BCKDHB: variants seen among roughly 807,000 people sequenced by gnomAD.
BCKDHB encodes 2-oxoisovalerate dehydrogenase subunit beta, mitochondrial.
In BCKDHB, 41 loss-of-function variants were observed where a neutral mutation model predicts 48.5. That is an observed-to-expected ratio of 0.85 (90% confidence interval 0.66 to 1.10). The LOEUF (loss-of-function observed/expected upper bound fraction) is 1.10, where lower values mean the gene tolerates loss of function less well. BCKDHB is among the 50% of genes least tolerant of loss of function. BCKDHB has a pLI of 0.00. For synonymous variants in BCKDHB, 201 were observed against 174.8 expected, an observed-to-expected ratio of 1.15 and a Z score of -1.18; for missense variants, 496 against 494.2, an observed-to-expected ratio of 1.00 and a Z score of -0.03.
chr6:80,310,154 G>A (rs1768083232), intron 9 of BCKDHB, among the ~76,000 whole-genome samples: 1 of 151,462 alleles, frequency 6.6e-6, no homozygotes, highest in Non-Finnish European at 1.5e-5. Context: ...TGTTACATAG[G>A]TAAACATCTG....
chr6:80,459,152 T>C, the BCKDHB span, among the ~76,000 whole-genome samples: 377 of 152,230 alleles, frequency 2.5e-3, no homozygotes, highest in Non-Finnish European at 4.4e-3. Context: ...AGAATTGAAA[T>C]TAGTATTTCA....
At chr6:80,411,753 G>A in the BCKDHB span, among the ~76,000 whole-genome samples, 2 of 152,228 alleles carry the variant, frequency 1.3e-5, no homozygotes, top group African/African-American at 4.8e-5. Context: ...GGCTCTGTGG[G>A]CGTGTGACCC....
At chr6:80,153,767 G>A (rs1438919026) in intron 3 of BCKDHB, among the ~76,000 whole-genome samples, 1 of 152,114 alleles carries the variant, frequency 6.6e-6, no homozygotes, top group Non-Finnish European at 1.5e-5. Context: ...TTGATAGCCA[G>A]GTTAGTTATT....
At chr6:80,404,958 C>T in the BCKDHB span, among the ~76,000 whole-genome samples, 8 of 152,032 alleles carry the variant, frequency 5.3e-5, no homozygotes, top group African/African-American at 9.7e-5. Flanking sequence ...TGTGGCCTGC[C>T]GTATGATCTA....
rs764180789 is a variant in BCKDHB at position 80,201,040 on chromosome 6, C to T, written c.840+9C>T. ...TTGCCTGGGGCACTCAGGTGAGTAG[C>T]ATTGATCCCAACTGTTAAAACCTAC... is the stretch of plus-strand genomic sequence containing the variant. On this transcript the variant is annotated intron_variant, in intron 7 of 9. Transcript: ENST00000320393. 3.2e-6 allele frequency: 5 copies of T among 1,581,888 alleles called. No individual in the cohort carries two copies. Among genetic ancestry groups the T allele is most frequent in the Non-Finnish European group, 4.3e-6 (5 of 1,151,050 alleles).
chr6:80,297,300 G>A (rs1767306586), intron 9 of BCKDHB, among the ~76,000 whole-genome samples: 1 of 152,072 alleles, frequency 6.6e-6, no homozygotes, highest in African/African-American at 2.4e-5. Flanking sequence ...TCTTTATTTT[G>A]TCAATAATTT....
chr6:80,217,114 C>T (rs1419563182), intron 8 of BCKDHB, among the ~76,000 whole-genome samples: 4 of 152,042 alleles, frequency 2.6e-5, no homozygotes, highest in Non-Finnish European at 1.5e-5. Flanking sequence ...TGGTGGCTGG[C>T]ACCTATAATC....
the BCKDHB span, among the ~76,000 whole-genome samples, chr6:80,410,107 G>T: frequency 3.9e-5 from 6 of 152,108 alleles, no homozygotes; most frequent in Non-Finnish European, 2.9e-5. Context: ...TCCATGTTTA[G>T]TGCTTCCTTC....
chr6:80,419,456 G>A, the BCKDHB span, among the ~76,000 whole-genome samples: 1 of 152,148 alleles, frequency 6.6e-6, no homozygotes, highest in East Asian at 1.9e-4. Flanking sequence ...CATGGGCAAG[G>A]CCACCCTGCA....
At chr6:80,287,824 C>T (rs1766704635) in intron 9 of BCKDHB, among the ~76,000 whole-genome samples, 1 of 152,182 alleles carries the variant, frequency 6.6e-6, no homozygotes, top group Non-Finnish European at 1.5e-5. Context: ...TGCACGTTCC[C>T]TTATCTGCAC....
At chr6:80,252,183 G>A (rs1233696537) in intron 8 of BCKDHB, among the ~76,000 whole-genome samples, 1 of 152,100 alleles carries the variant, frequency 6.6e-6, no homozygotes, top group Admixed American at 6.6e-5. Flanking sequence ...AAGTGCTAGG[G>A]GTTGAATCCA....
At chr6:80,122,252 G>C (rs1370511475) in intron 1 of BCKDHB, among the ~76,000 whole-genome samples, 2 of 152,172 alleles carry the variant, frequency 1.3e-5, no homozygotes, top group African/African-American at 4.8e-5. Context: ...GATTTGGTTT[G>C]CCAGTATTTT....
the BCKDHB span, among the ~76,000 whole-genome samples, chr6:80,394,026 C>A: frequency 1.3e-5 from 2 of 152,174 alleles, no homozygotes. Flanking sequence ...GACATCCTTA[C>A]TCCATTTACT....
intron 8 of BCKDHB, among the ~76,000 whole-genome samples, chr6:80,227,690 T>C (rs984603640): frequency 1.3e-5 from 2 of 152,204 alleles, no homozygotes; most frequent in African/African-American, 4.8e-5. Context: ...TTCTTAGGTA[T>C]GTGACCGTAA....
intron 9 of BCKDHB, among the ~76,000 whole-genome samples, chr6:80,277,922 G>A (rs932822311): frequency 5.9e-5 from 9 of 151,852 alleles, no homozygotes; most frequent in Non-Finnish European, 8.8e-5. Context: ...AGGAATTTTT[G>A]CTTTTTTCAG....
intron 3 of BCKDHB, among the ~76,000 whole-genome samples, chr6:80,130,375 CT>C (rs1332643389): frequency 6.6e-6 from 1 of 151,978 alleles, no homozygotes; most frequent in East Asian, 1.9e-4. Flanking sequence ...AAATTGTTGT[CT>C]CTTTTTCTGT....
At chr6:80,210,760 A>C (rs960176718) in intron 8 of BCKDHB, among the ~76,000 whole-genome samples, 1 of 152,068 alleles carries the variant, frequency 6.6e-6, no homozygotes. Flanking sequence ...TCTCCCTGCA[A>C]CTCAGCTCAG....
intron 1 of BCKDHB, 101 bp downstream of exon 1, chr6:80,106,990 C>T (rs987315683): frequency 1.4e-6 from 2 of 1,406,098 alleles, no homozygotes; most frequent in African/African-American, 2.9e-5. Context: ...ATCCTTGCAT[C>T]CCAGCTTATT....
chr6:80,130,299 A>G (rs1056807397), intron 3 of BCKDHB, among the ~76,000 whole-genome samples: 12 of 152,146 alleles, frequency 7.9e-5, no homozygotes, highest in African/African-American at 1.2e-4. Flanking sequence ...TTCCTTTGGC[A>G]TTGCTCTATA....
Sources: gnomAD v4.1 joint callset for allele counts (sites outside exome capture counted in the v4.1 genomes callset) on GRCh38, gnomAD v4.1.1 for gene constraint, MANE v1.5 for transcripts, NCBI Gene and HGNC (gene_info 2026-07-23, HGNC 2026-07-21) for gene names.